Variants in CCNH observed in about 807,000 individuals in gnomAD.
The protein encoded by CCNH is cyclin-H.
Under a neutral mutation model 41.9 loss-of-function variants are expected in CCNH, and 31 were observed. That is an observed-to-expected ratio of 0.74 (90% CI 0.56 to 1.00). The LOEUF is 1.00. Among genes scored for constraint, CCNH ranks in the 50% least tolerant of loss-of-function variants. CCNH has a pLI of 0.00. For synonymous variants in CCNH, 138 were observed against 136.1 expected, an observed-to-expected ratio of 1.01 and a Z score of -0.10; for missense variants, 362 against 388.4, an observed-to-expected ratio of 0.93 and a Z score of 0.57.
chr5:87,410,301 T>C (rs1393492870), intron 2 of CCNH, among the ~76,000 whole-genome samples: 3 of 152,142 alleles, frequency 2.0e-5, no homozygotes, highest in Non-Finnish European at 4.4e-5. Context: ...TCACTTAAAT[T>C]TACTGCCTCA....
chr5:87,338,570 C>A (rs1758199985), intron 9 of CCNH, among the ~76,000 whole-genome samples: 1 of 128,992 alleles, frequency 7.8e-6, no homozygotes, highest in Non-Finnish European at 1.6e-5. Context: ...TGGGGTTTTA[C>A]CATGTTGGCC....
intron 9 of CCNH, among the ~76,000 whole-genome samples, chr5:87,343,702 G>A (rs975311150): frequency 2.5e-4 from 38 of 152,052 alleles, no homozygotes; most frequent in Non-Finnish European, 4.4e-5. Context: ...CATATGATCC[G>A]GCAATCCCAC....
chr5:87,345,505 C>T lies in CCNH; in HGVS notation c.*91-26608G>A, dbSNP rs548901762. ...TATACTTGAATGCAGTATAGAACCT[C>T]ACTACTTGTAGTCTGAACTGTTTTA... On this transcript the variant is annotated intron_variant and NMD_transcript_variant, in intron 9 of 9. Coordinates refer to the CCNH transcript ENST00000645953. Among the ~76,000 whole-genome samples, 164 of 152,206 alleles carry T rather than the reference C, an allele frequency of 1.1e-3. 1 individual carries two copies. In the South Asian group the frequency reaches 0.018, roughly 17 times the overall value.
chr5:87,399,718 AG>A (rs1345693989), intron 6 of CCNH, among the ~76,000 whole-genome samples: 1 of 152,192 alleles, frequency 6.6e-6, no homozygotes, highest in Non-Finnish European at 1.5e-5. Context: ...TCTGCTGTTT[AG>A]CCCATATCAT....
intron 9 of CCNH, among the ~76,000 whole-genome samples, chr5:87,325,205 G>A (rs377576929): frequency 1.8e-4 from 28 of 152,250 alleles, no homozygotes; most frequent in Admixed American, 5.9e-4. Flanking sequence ...ATTAGATCTC[G>A]TGAGAACTCA....
intron 9 of CCNH, chr5:87,346,751 A>G (rs372279420): frequency 5.8e-5 from 86 of 1,470,906 alleles, no homozygotes; most frequent in Non-Finnish European, 7.3e-5. Flanking sequence ...TTGCTTTTCT[A>G]ATGTCTATTT....
At chr5:87,388,408 C>T (rs1762218182), downstream of CCNH, among the ~76,000 whole-genome samples, 1 of 152,100 alleles carries the variant, frequency 6.6e-6, no homozygotes, top group South Asian at 2.1e-4. Context: ...GGTTGAGTAT[C>T]CCTAATCTGA....
intron 9 of CCNH, among the ~76,000 whole-genome samples, chr5:87,386,207 A>G (rs1164891715): frequency 2.0e-5 from 3 of 151,956 alleles, no homozygotes; most frequent in East Asian, 1.9e-4. Flanking sequence ...GGAATTGCCT[A>G]TTGAGGTCCT....
At chr5:87,379,859 T>A (rs1761585459), upstream of CCNH, 2 of 1,610,852 alleles carry the variant, frequency 1.2e-6, no homozygotes, top group African/African-American at 1.3e-5. Flanking sequence ...CCGTAAGTGG[T>A]GAAATTTTCA....
Position 87,363,654 on chromosome 5 carries a change from T to C in CCNH, c.*90+29116A>G, listed in dbSNP as rs981648153. 4 of 771,058 alleles carry C rather than the reference T, an allele frequency of 5.2e-6. No individual in the cohort carries two copies. In the African/African-American group the frequency reaches 5.3e-5, roughly 10 times the overall value. 47.8% of individuals were successfully genotyped at this position (771,058 alleles called of 1,614,324 possible). On this transcript the variant is annotated intron_variant and NMD_transcript_variant, in intron 9 of 9. Coordinates refer to the CCNH transcript ENST00000645953. Reference sequence around the variant, plus strand: ...AATTTTTGCCTTCCTTGCTTAATTGTAGACTAATATATACATAAAGTCTAC... The same window carrying C: ...AATTTTTGCCTTCCTTGCTTAATTGCAGACTAATATATACATAAAGTCTAC...
exon 1 of CCNH, chr5:87,376,760 T>G (rs1282950423): frequency 1.6e-6 from 2 of 1,223,610 alleles, no homozygotes; most frequent in Non-Finnish European, 1.2e-6. Flanking sequence ...TTAAATAAAT[T>G]TATTCAATGG....
At chr5:87,337,982 A>G (rs2112386501) in intron 9 of CCNH, 1 of 1,605,934 alleles carries the variant, frequency 6.2e-7, no homozygotes, top group East Asian at 2.2e-5. Flanking sequence ...AGTTTCTTAA[A>G]AGGAGATATG....
chr5:87,387,506 C>G (rs1275112292), downstream of CCNH, among the ~76,000 whole-genome samples: 1 of 152,058 alleles, frequency 6.6e-6, no homozygotes, highest in East Asian at 1.9e-4. Context: ...TTTTCAGGTA[C>G]TGAGTCAGTT....
At chr5:87,391,120 T>C (rs1267488392), downstream of CCNH, 1 of 609,878 alleles carries the variant, frequency 1.6e-6, no homozygotes, top group South Asian at 1.9e-5. Context: ...TTTAACAACC[T>C]CTGAGCCTTG....
chr5:87,361,098 T>C (rs1284317191), intron 9 of CCNH, among the ~76,000 whole-genome samples: 1 of 152,208 alleles, frequency 6.6e-6, no homozygotes, highest in Admixed American at 6.6e-5. Context: ...GGCCAGCGGT[T>C]GGCAAAAGTT....
At chr5:87,392,636 T>C (rs1762606193), downstream of CCNH, 4 of 232,166 alleles carry the variant, frequency 1.7e-5, no homozygotes, top group South Asian at 2.0e-4. Context: ...CCTCAATCTT[T>C]AGCCATACTA....
In CCNH at chr5:87,399,435, C is replaced by G; in HGVS notation, c.831G>C (p.Leu277Phe). ...CAAGCTCAGCAGAATGACATCGCTCCAACTTCTGTTTCAGAACAGCAACTT... is the reference window on the plus strand; with the variant it reads ...CAAGCTCAGCAGAATGACATCGCTCGAACTTCTGTTTCAGAACAGCAACTT... ...SEEVAVLKQK[L>F]ERCHSAELAL... The change falls in exon 7 of 9, where the codon TTG becomes TTC. Residue 277 changes from leucine to phenylalanine, a missense_variant. Physicochemically the swap from Leu to Phe is conservative, Grantham distance 22. Transcript: ENST00000256897. 6.2e-7 allele frequency: 1 copy of G among 1,613,934 alleles called. No homozygotes were observed. Among genetic ancestry groups the G allele is most frequent in the Non-Finnish European group, 8.5e-7 (1 of 1,179,872 alleles).
In CCNH at chr5:87,412,728, G is replaced by C; in HGVS notation, c.67C>G (p.Arg23Gly). ...CTGAATTTGCGGTTGGCGTCAGCCC[G>C]CAGTCTTGCCAGCTGCTCCTCGCTG... ...FSSEEQLARL[R>G]ADANRKFRCK... The change falls in exon 1 of 9, where the codon CGG becomes GGG. Residue 23 changes from arginine (R) to glycine (G), a missense_variant. Coordinates refer to ENST00000256897, the MANE Select transcript of CCNH (RefSeq NM_001239.4). 1 of 1,614,178 alleles carries C rather than the reference G, an allele frequency of 6.2e-7. No homozygotes were observed. The highest frequency in any genetic ancestry group is 8.5e-7 in the Non-Finnish European group (1 of 1,180,020).
At chr5:87,326,726 G>C (rs1461287608) in intron 9 of CCNH, among the ~76,000 whole-genome samples, 1 of 152,034 alleles carries the variant, frequency 6.6e-6, no homozygotes, top group Non-Finnish European at 1.5e-5. Context: ...GGCTCTTTGG[G>C]GGTTTCCTTC....
Sources: allele counts gnomAD v4.1 joint callset (sites outside exome capture counted in the v4.1 genomes callset), GRCh38; gene constraint gnomAD v4.1.1; transcripts MANE v1.5; gene names NCBI Gene and HGNC (gene_info 2026-07-23, HGNC 2026-07-21).